SRBD1: variants seen among roughly 807,000 people sequenced by gnomAD.
SRBD1 encodes S1 RNA-binding domain-containing protein 1.
Under a neutral mutation model 115.3 loss-of-function variants are expected in SRBD1, and 88 were observed. That is an observed-to-expected ratio of 0.76 (90% confidence interval 0.64 to 0.91). The LOEUF (loss-of-function observed/expected upper bound fraction) is 0.91, where lower values mean the gene tolerates loss of function less well. Among genes scored for constraint, SRBD1 ranks in the 40% least tolerant of loss-of-function variants. The pLI, the probability that SRBD1 is intolerant of heterozygous loss-of-function variation, is 0.00. For synonymous variants in SRBD1, 509 were observed against 407.7 expected (o/e 1.25, Z -2.99); for missense variants, 1,385 against 1,177.4 (o/e 1.18, Z -2.58).
intron 14 of SRBD1, among the ~76,000 whole-genome samples, chr2:45,541,515 A>G (rs557977589): frequency 3.5e-4 from 53 of 152,364 alleles, no homozygotes; most frequent in African/African-American, 1.2e-3. Flanking sequence ...CTGGAGGGTG[A>G]GCAAGGCAGA....
Position 45,389,415 on chromosome 2 carries a change from C to G in SRBD1, c.2883G>C (p.Lys961Asn). Residue 961 changes from lysine (K) to asparagine (N), a missense_variant, in exon 21 of 21, where the codon AAG (lysine) becomes AAC (asparagine). Transcript: ENST00000263736. ...VTEAKLSKTK[K>N]RRSLGLGPGE... is the part of the protein sequence containing the mutation. ...CGGGGCCCAGTCCAAGGCTTCTTCT[C>G]TTCTTTGTTTTTGAAAGTTTTGCTT... The G allele has an allele frequency of 6.2e-7, 1 of 1,614,088 alleles. No individual in the cohort carries two copies. Among genetic ancestry groups the G allele is most frequent in the East Asian group, 2.2e-5 (1 of 44,864 alleles).
At chr2:45,500,927 T>C (rs550749797) in intron 14 of SRBD1, among the ~76,000 whole-genome samples, 5 of 152,338 alleles carry the variant, frequency 3.3e-5, no homozygotes, top group African/African-American at 9.6e-5. Context: ...CTATGTTGGA[T>C]AGAAGTGGGA....
intron 14 of SRBD1, among the ~76,000 whole-genome samples, chr2:45,516,613 A>G (rs532767152): frequency 6.6e-6 from 1 of 152,336 alleles, no homozygotes; most frequent in African/African-American, 2.4e-5. Flanking sequence ...TCTTTGGATT[A>G]TTCTGTACTG....
In SRBD1 at chr2:45,560,434, C is replaced by A. The variant is rs572750500; in HGVS notation, c.1409+2219G>T. Among the ~76,000 whole-genome samples the A allele has an allele frequency of 1.6e-4, 24 of 152,244 alleles. 1 individual carries two copies. Among genetic ancestry groups the A allele is most frequent in the African/African-American group, 4.6e-4 (19 of 41,538 alleles). On this transcript the variant is annotated intron_variant, in intron 10 of 20. Transcript: ENST00000263736. ...TTCTAAAAAGAATTAGCACAATAAT[C>A]CCACTACTTTGTAATAACAGATACC... is the stretch of plus-strand genomic sequence containing the variant.
At chr2:45,591,278 G>A (rs958195821) in intron 4 of SRBD1, among the ~76,000 whole-genome samples, 12 of 152,128 alleles carry the variant, frequency 7.9e-5, no homozygotes, top group African/African-American at 2.9e-4. Context: ...CCCCCACCCA[G>A]GAACTGACTC....
intron 8 of SRBD1, 150 bp downstream of exon 8, chr2:45,574,477 T>C: frequency 3.1e-6 from 2 of 641,312 alleles, no homozygotes; most frequent in Non-Finnish European, 5.3e-6. Context: ...TTTTATATAT[T>C]TGGGCTCTGT....
At chr2:45,434,702 T>C (rs972480042) in intron 16 of SRBD1, among the ~76,000 whole-genome samples, 1 of 152,146 alleles carries the variant, frequency 6.6e-6, no homozygotes, top group African/African-American at 2.4e-5. Flanking sequence ...CAGAGGTGTT[T>C]ATGTCAGCAA....
At chr2:45,475,844 G>A (rs1669788442) in intron 16 of SRBD1, among the ~76,000 whole-genome samples, 1 of 152,106 alleles carries the variant, frequency 6.6e-6, no homozygotes, top group Non-Finnish European at 1.5e-5. Context: ...GACTACAGGT[G>A]CGCGCCACCA....
intron 14 of SRBD1, among the ~76,000 whole-genome samples, chr2:45,503,551 C>T (rs1278066711): frequency 6.6e-6 from 1 of 152,140 alleles, no homozygotes; most frequent in Non-Finnish European, 1.5e-5. Flanking sequence ...GTCATTTTCA[C>T]TTTAGAGCCA....
At chr2:45,559,851 T>C (rs1672603948) in intron 10 of SRBD1, among the ~76,000 whole-genome samples, 1 of 151,998 alleles carries the variant, frequency 6.6e-6, no homozygotes. Context: ...GAGGCGGAAG[T>C]TGGTGGATCA....
intron 16 of SRBD1, 90 bp downstream of exon 16, chr2:45,476,903 C>G: frequency 8.5e-7 from 1 of 1,172,594 alleles, no homozygotes; most frequent in East Asian, 2.4e-5. Context: ...TGGGAATCTA[C>G]TCCCACAGAC....
At chr2:45,576,636 A>T (rs181685957) in intron 7 of SRBD1, among the ~76,000 whole-genome samples, 26 of 152,346 alleles carry the variant, frequency 1.7e-4, no homozygotes, top group Non-Finnish European at 3.5e-4. Context: ...TAAAACAGCT[A>T]TAACACATAG....
At chr2:45,593,418 G>A (rs943750140) in intron 4 of SRBD1, among the ~76,000 whole-genome samples, 3 of 152,106 alleles carry the variant, frequency 2.0e-5, no homozygotes, top group African/African-American at 4.8e-5. Context: ...GAATTATGGG[G>A]GGCGGTTTCC....
chr2:45,573,128 T>G, intron 9 of SRBD1, 79 bp downstream of exon 9: 1 of 1,400,110 alleles, frequency 7.1e-7, no homozygotes, highest in South Asian at 1.5e-5. Context: ...ATTATTTAAA[T>G]TCTTAGTAAA....
chr2:45,409,941 T>C (rs1271907679), intron 19 of SRBD1, among the ~76,000 whole-genome samples: 2 of 152,164 alleles, frequency 1.3e-5, no homozygotes, highest in Non-Finnish European at 1.5e-5. Context: ...ACATTTTTTT[T>C]GTCTCTAAAA....
intron 1 of SRBD1, 117 bp from the exon 2 acceptor site, chr2:45,605,558 T>C (rs1381802275): frequency 2.1e-6 from 2 of 954,980 alleles, no homozygotes; most frequent in East Asian, 2.5e-5. Flanking sequence ...AAAACAATGA[T>C]GTTTATTCAC....
intron 14 of SRBD1, among the ~76,000 whole-genome samples, chr2:45,513,237 T>A (rs543670605): frequency 6.6e-6 from 1 of 152,260 alleles, no homozygotes; most frequent in East Asian, 1.9e-4. Context: ...ACATTCTTCA[T>A]CATACGAAAC....
At chr2:45,527,818 T>A (rs1671495214) in intron 14 of SRBD1, among the ~76,000 whole-genome samples, 1 of 151,804 alleles carries the variant, frequency 6.6e-6, no homozygotes, top group Non-Finnish European at 1.5e-5. Flanking sequence ...TGCTCTTAAC[T>A]ACAAAAGGGT....
chr2:45,468,617 G>C (rs1028141678), intron 16 of SRBD1, among the ~76,000 whole-genome samples: 1 of 151,946 alleles, frequency 6.6e-6, no homozygotes, highest in Admixed American at 6.6e-5. Flanking sequence ...CAAACTCCTG[G>C]GCTCAAGCAA....
Sources: gnomAD v4.1 joint callset for allele counts (sites outside exome capture counted in the v4.1 genomes callset) on GRCh38, gnomAD v4.1.1 for gene constraint, MANE v1.5 for transcripts, NCBI Gene and HGNC (gene_info 2026-07-23, HGNC 2026-07-21) for gene names.